The following ANKS1B variants were observed in gnomAD, a reference collection of about 807,000 sequenced individuals.
The protein encoded by ANKS1B is ankyrin repeat and sterile alpha motif domain-containing protein 1B.
ANKS1B carries 36 observed loss-of-function variants against 148.3 expected under a neutral mutation model. The ratio of observed to expected loss-of-function variants is 0.24; its 90% CI spans 0.19 to 0.32. The LOEUF (loss-of-function observed/expected upper bound fraction) is 0.32. Among genes scored for constraint, ANKS1B ranks in the 10% least tolerant of loss-of-function variants. ANKS1B has a pLI of 1.00. For synonymous variants in ANKS1B, 542 were observed against 560.8 expected (o/e 0.97, Z 0.47); for missense variants, 1,157 against 1,542.6 (o/e 0.75, Z 4.19).
At chr12:99,853,765 T>C (rs1372391917) in intron 1 of ANKS1B, among the ~76,000 whole-genome samples, 1 of 151,902 alleles carries the variant, frequency 6.6e-6, no homozygotes, top group African/African-American at 2.4e-5. Flanking sequence ...GGTCAATTAT[T>C]AAGGTAATTA....
Position 98,744,341 on chromosome 12 carries a change from T to C in ANKS1B, c.*1398A>G. 1.1e-6 allele frequency: 1 copy of C among 907,222 alleles called. No homozygotes were observed. The highest frequency in any genetic ancestry group is 1.3e-6 in the Non-Finnish European group (1 of 758,232). The allele number at this position is 907,222 out of a possible 1,614,324, so 56.2% of individuals were successfully genotyped here. ...CTCACCAACTGATGAATGTAACTGA[T>C]CATCTCAGTTAGGTTTAAAATAATG... On this transcript the variant is annotated 3_prime_UTR_variant, in exon 27 of 27. Transcript: ENST00000683438.
chr12:99,036,899 G>A (rs1049213810), intron 17 of ANKS1B, among the ~76,000 whole-genome samples: 6 of 152,208 alleles, frequency 3.9e-5, no homozygotes, highest in African/African-American at 1.4e-4. Context: ...TCTGTGTGAG[G>A]CTGTGATGGG....
intron 10 of ANKS1B, among the ~76,000 whole-genome samples, chr12:99,455,444 T>G (rs2095832078): frequency 6.6e-6 from 1 of 152,144 alleles, no homozygotes; most frequent in African/African-American, 2.4e-5. Flanking sequence ...CCACAGACCC[T>G]TTGAAGGAGT....
intron 14 of ANKS1B, among the ~76,000 whole-genome samples, chr12:99,216,503 A>G (rs1037443940): frequency 1.3e-5 from 2 of 152,148 alleles, no homozygotes; most frequent in Non-Finnish European, 2.9e-5. Flanking sequence ...CTTTTTTTAA[A>G]AAAATCTATA....
At chr12:99,424,028 C>T (rs999820665) in intron 11 of ANKS1B, among the ~76,000 whole-genome samples, 1 of 152,142 alleles carries the variant, frequency 6.6e-6, no homozygotes, top group Non-Finnish European at 1.5e-5. Context: ...ATTAACTTCT[C>T]GACTTAGGCT....
At chr12:99,649,515 C>CG in intron 9 of ANKS1B, 2 of 761,182 alleles carry the variant, frequency 2.6e-6, no homozygotes, top group Non-Finnish European at 2.2e-6. Context: ...TGACAGTAAG[C>CG]ACCACCACAG....
chr12:99,409,285 G>A (rs145292263), intron 11 of ANKS1B, among the ~76,000 whole-genome samples: 261 of 152,226 alleles, frequency 1.7e-3, no homozygotes, highest in African/African-American at 5.9e-3. Flanking sequence ...TTTATTTGTA[G>A]GAACTAGAAA....
intron 9 of ANKS1B, among the ~76,000 whole-genome samples, chr12:99,646,551 A>T (rs1295282899): frequency 6.7e-6 from 1 of 150,052 alleles, no homozygotes; most frequent in African/African-American, 2.4e-5. Context: ...CTACTAGGAA[A>T]GCTGATGCAG....
chr12:98,739,798 T>C (rs2097789216), downstream of ANKS1B, among the ~76,000 whole-genome samples: 1 of 151,216 alleles, frequency 6.6e-6, no homozygotes, highest in Non-Finnish European at 1.5e-5. Context: ...ATAAACAGCA[T>C]AATACTTATC....
chr12:99,067,646 T>A (rs1471994217), intron 16 of ANKS1B, among the ~76,000 whole-genome samples: 3 of 152,098 alleles, frequency 2.0e-5, no homozygotes, highest in African/African-American at 4.8e-5. Flanking sequence ...TAGAAGGAAT[T>A]TCAGTAAGGC....
intron 1 of ANKS1B, among the ~76,000 whole-genome samples, chr12:99,874,788 A>T (rs2091903232): frequency 6.6e-6 from 1 of 152,206 alleles, no homozygotes. Context: ...TTATTCCTCA[A>T]AGAGTTTCAA....
At chr12:99,648,398 G>T in intron 9 of ANKS1B, 1 of 1,614,126 alleles carries the variant, frequency 6.2e-7, no homozygotes, top group Non-Finnish European at 8.5e-7. Flanking sequence ...GGCATCGTTC[G>T]CACCAGCCCC....
At chr12:99,088,642 G>A (rs1022211766) in intron 15 of ANKS1B, among the ~76,000 whole-genome samples, 6 of 151,846 alleles carry the variant, frequency 4.0e-5, no homozygotes, top group African/African-American at 1.5e-4. Flanking sequence ...TTTTGTAGTA[G>A]TACGGATTCT....
chr12:99,534,011 T>TA (rs1212179451), intron 9 of ANKS1B, among the ~76,000 whole-genome samples: 1 of 152,142 alleles, frequency 6.6e-6, no homozygotes, highest in Non-Finnish European at 1.5e-5. Flanking sequence ...TAATTATTTT[T>TA]AAAAAACCCT....
intron 9 of ANKS1B, among the ~76,000 whole-genome samples, chr12:99,559,763 C>A (rs1230798184): frequency 6.6e-6 from 1 of 152,122 alleles, no homozygotes; most frequent in Non-Finnish European, 1.5e-5. Flanking sequence ...TAGTGCCTAA[C>A]ATCCCTGGAA....
intron 9 of ANKS1B, among the ~76,000 whole-genome samples, chr12:99,541,568 A>G (rs1304455247): frequency 1.3e-5 from 2 of 152,190 alleles, no homozygotes; most frequent in Non-Finnish European, 2.9e-5. Context: ...GACAAAATGT[A>G]ACATGCTTCT....
intron 4 of ANKS1B, among the ~76,000 whole-genome samples, chr12:99,784,976 C>T (rs1236101224): frequency 6.6e-6 from 1 of 152,156 alleles, no homozygotes; most frequent in Non-Finnish European, 1.5e-5. Context: ...TAGGCCACAT[C>T]TATTTTTTCA....
At chr12:99,563,061 A>G (rs2097353362) in intron 9 of ANKS1B, among the ~76,000 whole-genome samples, 1 of 152,168 alleles carries the variant, frequency 6.6e-6, no homozygotes, top group Non-Finnish European at 1.5e-5. Context: ...CATAAAATTG[A>G]AGAGAGTTAA....
chr12:98,821,347 T>C (rs1407390096), intron 19 of ANKS1B, among the ~76,000 whole-genome samples: 2 of 152,248 alleles, frequency 1.3e-5, no homozygotes, highest in Non-Finnish European at 2.9e-5. Flanking sequence ...TATTTCTGCC[T>C]GCTTAGAAAC....
Sources: allele counts gnomAD v4.1 joint callset (sites outside exome capture counted in the v4.1 genomes callset), GRCh38; gene constraint gnomAD v4.1.1; transcripts MANE v1.5; gene names NCBI Gene and HGNC (gene_info 2026-07-23, HGNC 2026-07-21).